The following USP32 variants were observed in gnomAD, a reference collection of about 807,000 sequenced individuals.
The protein encoded by USP32 is ubiquitin specific peptidase 32.
USP32 carries 59 observed loss-of-function variants against 204.8 expected under a neutral mutation model. The observed-to-expected ratio is 0.29, with a 90% confidence interval of 0.23 to 0.36. The LOEUF is 0.36. Among genes scored for constraint, USP32 ranks in the 10% least tolerant of loss-of-function variants. The pLI is 1.00. For synonymous variants in USP32, 517 were observed against 678.4 expected (o/e 0.76, Z 3.70); for missense variants, 1,160 against 1,946.4 (o/e 0.60, Z 7.60).
intron 26 of USP32, among the ~76,000 whole-genome samples, chr17:60,202,080 T>C (rs536780500): frequency 2.6e-5 from 4 of 152,214 alleles, no homozygotes; most frequent in Non-Finnish European, 4.4e-5. Context: ...TTTAGCTCTA[T>C]AGAACACCTG....
Position 60,422,364 on chromosome 17 carries a change from C to T in USP32, c.-13G>A, listed in dbSNP as rs533590863. ...CGACCCCGCACATCTTGCTCCGTTCCCTAGTCCAGATCCCAGCTGGAGGGG... is the reference window on the plus strand; with the variant it reads ...CGACCCCGCACATCTTGCTCCGTTCTCTAGTCCAGATCCCAGCTGGAGGGG... On this transcript the variant is annotated 5_prime_UTR_variant, in exon 1 of 4. Coordinates refer to the USP32 transcript ENST00000588898. 2.3e-5 allele frequency: 27 copies of T among 1,156,244 alleles called. No individual in the cohort carries two copies. In the African/African-American group the frequency reaches 2.5e-4, roughly 11 times the overall value. 71.6% of individuals were successfully genotyped at this position (1,156,244 alleles called of 1,614,324 possible).
At chr17:60,281,953 T>C (rs2086977184) in intron 5 of USP32, among the ~76,000 whole-genome samples, 1 of 152,346 alleles carries the variant, frequency 6.6e-6, no homozygotes, top group East Asian at 1.9e-4. Context: ...ACTATCAATA[T>C]GCCATAGTAG....
intron 13 of USP32, 79 bp downstream of exon 13, chr17:60,225,960 A>T (rs1253317042): frequency 2.6e-5 from 37 of 1,442,484 alleles, no homozygotes; most frequent in Non-Finnish European, 3.2e-5. Context: ...CTCAAAAAAA[A>T]AAAAAAAAAA....
chr17:60,325,992 A>T (rs1204960729), intron 2 of USP32, among the ~76,000 whole-genome samples: 1 of 151,526 alleles, frequency 6.6e-6, no homozygotes, highest in African/African-American at 2.4e-5. Context: ...AAAAAAAAAA[A>T]AGTAAAAATA....
At chr17:60,367,041 A>C (rs563774435) in intron 1 of USP32, among the ~76,000 whole-genome samples, 53 of 152,096 alleles carry the variant, frequency 3.5e-4, no homozygotes, top group African/African-American at 1.2e-3. Flanking sequence ...GTTAGCCAGG[A>C]TGGTCTCAAT....
At chr17:60,400,020 A>G (rs751036783) in intron 1 of USP32, among the ~76,000 whole-genome samples, 19 of 152,072 alleles carry the variant, frequency 1.2e-4, no homozygotes, top group Non-Finnish European at 2.6e-4. Flanking sequence ...CCTGGAGTGC[A>G]GTAGTGTGAT....
At chr17:60,377,071 A>G (rs1322081548) in intron 1 of USP32, among the ~76,000 whole-genome samples, 1 of 152,158 alleles carries the variant, frequency 6.6e-6, no homozygotes, top group African/African-American at 2.4e-5. Flanking sequence ...TTCGGCCAAT[A>G]TTTACATCCC....
chr17:60,223,363 A>T, intron 14 of USP32, 48 bp downstream of exon 14: 1 of 1,523,968 alleles, frequency 6.6e-7, no homozygotes, highest in Non-Finnish European at 9.0e-7. Context: ...GAAATTTATT[A>T]ATAGCTTGCA....
chr17:60,231,712 T>C (rs1414635070), intron 12 of USP32: 3 of 421,924 alleles, frequency 7.1e-6, no homozygotes, highest in Admixed American at 2.4e-5. Context: ...AAAATCTGCA[T>C]GTGAATAGTA....
intron 11 of USP32, among the ~76,000 whole-genome samples, chr17:60,243,759 T>C (rs2085938676): frequency 6.6e-6 from 1 of 152,182 alleles, no homozygotes; most frequent in Non-Finnish European, 1.5e-5. Context: ...TAGTATATGG[T>C]CTATCCTAGA....
At chr17:60,198,479 A>G (rs1255131227) in intron 26 of USP32, 35 bp from the exon 27 acceptor site, 2 of 1,606,192 alleles carry the variant, frequency 1.2e-6, no homozygotes, top group South Asian at 2.2e-5. Context: ...AGAGTTCAGA[A>G]GACAGGCCTC....
At chr17:60,323,332 T>C (rs1490859472) in intron 2 of USP32, among the ~76,000 whole-genome samples, 1 of 152,206 alleles carries the variant, frequency 6.6e-6, no homozygotes, top group Non-Finnish European at 1.5e-5. Context: ...AAAGGACTGA[T>C]ACATGTTTTC....
chr17:60,185,067 G>A (rs2084217226), intron 30 of USP32, among the ~76,000 whole-genome samples: 1 of 152,218 alleles, frequency 6.6e-6, no homozygotes, highest in Admixed American at 6.5e-5. Flanking sequence ...TATGTGCAGT[G>A]GGTGTTGGGG....
At chr17:60,234,251 C>A (rs2085652523) in intron 12 of USP32, among the ~76,000 whole-genome samples, 1 of 151,386 alleles carries the variant, frequency 6.6e-6, no homozygotes, top group Non-Finnish European at 1.5e-5. Context: ...GTAGCTGGGA[C>A]CATAGGCGCC....
In USP32 at chr17:60,392,074, T is replaced by C. The variant is rs1476716423; in HGVS notation, c.-135A>G. On this transcript the variant is annotated 5_prime_UTR_variant, in exon 1 of 34. Transcript: ENST00000300896. ...CCCCACCTCCCCCCACACTAACAAG[T>C]GCGGCTTCTGCCCCGGCGGCTCCTC... 1.0e-6 allele frequency: 1 copy of C among 953,356 alleles called. No homozygotes were observed. Among genetic ancestry groups the C allele is most frequent in the Non-Finnish European group, 1.5e-6 (1 of 683,488 alleles). The allele number at this position is 953,356 out of a possible 1,614,324, so 59.1% of individuals were successfully genotyped here.
chr17:60,218,166 C>T (rs551388341), intron 16 of USP32, among the ~76,000 whole-genome samples: 5 of 152,158 alleles, frequency 3.3e-5, no homozygotes, highest in Non-Finnish European at 5.9e-5. Flanking sequence ...GGATGGATCA[C>T]GAGGTCAGGA....
intron 1 of USP32, among the ~76,000 whole-genome samples, chr17:60,353,289 A>C (rs2088995441): frequency 6.6e-6 from 1 of 152,174 alleles, no homozygotes; most frequent in East Asian, 1.9e-4. Context: ...GAGAGCCCTC[A>C]CCAAAAACAA....
chr17:60,419,732 CAA>C (rs774695354), intron 1 of USP32, among the ~76,000 whole-genome samples: 6 of 82,152 alleles, frequency 7.3e-5, no homozygotes, highest in African/African-American at 9.0e-5. Flanking sequence ...GACACCATCT[CAA>C]AAAAAAAAAA....
At position 60,269,531 on chromosome 17, in the gene USP32, G is replaced by T; in HGVS notation, c.730C>A (p.Arg244Ser). The T allele has an allele frequency of 1.2e-6, 2 of 1,610,026 alleles. No individual in the cohort carries two copies. The highest frequency in any genetic ancestry group is 8.5e-7 in the Non-Finnish European group (1 of 1,178,812). Residue 244 changes from arginine (R) to serine (S), a missense_variant, in exon 7 of 34, where the codon CGT becomes AGT. Coordinates refer to ENST00000300896, the MANE Select transcript of USP32 (RefSeq NM_032582.4). ...EGLFNAFDEN[R>S]DNHIDFKEIS... ...TCCTTAAAATCTATGTGATTGTCACGATTTTCATCAAAAGCATTAAACAAA... is the reference window on the plus strand; with the variant it reads ...TCCTTAAAATCTATGTGATTGTCACTATTTTCATCAAAAGCATTAAACAAA...
Sources: gnomAD v4.1 joint callset for allele counts (sites outside exome capture counted in the v4.1 genomes callset) on GRCh38, gnomAD v4.1.1 for gene constraint, MANE v1.5 for transcripts, NCBI Gene and HGNC (gene_info 2026-07-23, HGNC 2026-07-21) for gene names.